The following RGS6 variants were observed in gnomAD, a reference collection of about 807,000 sequenced individuals.
RGS6 encodes regulator of G-protein signaling 6.
Under a neutral mutation model 78.5 loss-of-function variants are expected in RGS6, and 30 were observed. The observed-to-expected ratio is 0.38, with a 90% CI of 0.29 to 0.52. The LOEUF (loss-of-function observed/expected upper bound fraction) is 0.52, where lower values mean the gene tolerates loss of function less well. Among genes scored for constraint, RGS6 ranks in the 20% least tolerant of loss-of-function variants. The pLI is 0.85. For missense variants in RGS6, 495 were observed against 609.7 expected (o/e 0.81, Z 1.98); for synonymous variants, 206 against 206.0 (o/e 1.00, Z 0.00).
At chr14:71,947,239 A>C (rs1329596097) in intron 1 of RGS6, among the ~76,000 whole-genome samples, 1 of 152,178 alleles carries the variant, frequency 6.6e-6, no homozygotes, top group Non-Finnish European at 1.5e-5. Context: ...GTGGATAGAT[A>C]CATCTTGGGG....
intron 2 of RGS6, among the ~76,000 whole-genome samples, chr14:72,065,616 C>T (rs1334544105): frequency 6.6e-6 from 1 of 152,120 alleles, no homozygotes; most frequent in African/African-American, 2.4e-5. Flanking sequence ...AACAGATCCT[C>T]AAACGTCATT....
At chr14:72,317,965 T>C (rs2070783566) in intron 2 of RGS6, among the ~76,000 whole-genome samples, 1 of 152,158 alleles carries the variant, frequency 6.6e-6, no homozygotes, top group Non-Finnish European at 1.5e-5. Context: ...AAAACAGAAG[T>C]TATTTACAAT....
intron 2 of RGS6, among the ~76,000 whole-genome samples, chr14:72,281,929 C>T (rs1190239840): frequency 6.6e-6 from 1 of 152,152 alleles, no homozygotes; most frequent in African/African-American, 2.4e-5. Context: ...TTGGAAGACA[C>T]AAAGTCATCG....
intron 1 of RGS6, among the ~76,000 whole-genome samples, chr14:71,935,048 T>G (rs1207294706): frequency 6.6e-6 from 1 of 152,194 alleles, no homozygotes; most frequent in African/African-American, 2.4e-5. Context: ...GCATTTAACC[T>G]CTTCATTTTC....
chr14:72,341,692 G>A (rs2077033375), intron 2 of RGS6, among the ~76,000 whole-genome samples: 1 of 152,216 alleles, frequency 6.6e-6, no homozygotes. Context: ...GAATTCCATA[G>A]TAGGGAATTT....
chr14:72,275,874 C>T (rs2060590251), intron 2 of RGS6, among the ~76,000 whole-genome samples: 1 of 152,068 alleles, frequency 6.6e-6, no homozygotes, highest in Non-Finnish European at 1.5e-5. Context: ...TGGAGGGTAC[C>T]TCACAGGAGA....
chr14:72,404,588 C>T (rs985721377), intron 3 of RGS6, among the ~76,000 whole-genome samples: 2 of 152,194 alleles, frequency 1.3e-5, no homozygotes, highest in African/African-American at 4.8e-5. Flanking sequence ...CCCCACAGGG[C>T]AAGCACAACA....
rs570205069 is a variant in RGS6, at chr14:72,163,770, C to A, written c.85-188325C>A. 3.9e-5 allele frequency among the ~76,000 whole-genome samples: 6 copies of A among 151,900 alleles called. No individual in the cohort carries two copies. The East Asian group carries it at 1.2e-3, about 29-fold the overall frequency. ...TGGTGGCACTCACCTGTAATCGCAA[C>A]TACTCAGGAGGCTGAGGTAGGAGAA... On this transcript the variant is annotated intron_variant, in intron 2 of 17. Coordinates refer to ENST00000553525, the MANE Select transcript of RGS6 (RefSeq NM_001204424.2).
At chr14:72,335,221 T>C (rs948235378) in intron 2 of RGS6, among the ~76,000 whole-genome samples, 2 of 152,202 alleles carry the variant, frequency 1.3e-5, no homozygotes, top group Admixed American at 6.5e-5. Context: ...CAGGTAGGTC[T>C]TTCTTAGCAG....
At chr14:72,097,151 A>G (rs539777077) in intron 2 of RGS6, among the ~76,000 whole-genome samples, 82 of 152,358 alleles carry the variant, frequency 5.4e-4, no homozygotes, top group Non-Finnish European at 9.9e-4. Context: ...AGAAGTAAAC[A>G]TTAACTTAAA....
chr14:72,145,201 C>T (rs1284562575), intron 2 of RGS6, among the ~76,000 whole-genome samples: 1 of 152,092 alleles, frequency 6.6e-6, no homozygotes, highest in East Asian at 1.9e-4. Context: ...GAGGTTCAGA[C>T]TCTTGGAGCC....
chr14:72,046,533 T>A (rs2092851439), intron 2 of RGS6, among the ~76,000 whole-genome samples: 1 of 152,060 alleles, frequency 6.6e-6, no homozygotes, highest in African/African-American at 2.4e-5. Context: ...GGTACCAGTG[T>A]GTGTGAAAGT....
intron 2 of RGS6, among the ~76,000 whole-genome samples, chr14:72,124,210 GTT>G (rs1330330875): frequency 6.6e-6 from 1 of 152,130 alleles, no homozygotes; most frequent in Non-Finnish European, 1.5e-5. Flanking sequence ...TTATTATGTT[GTT>G]TATTTTGTGT....
intron 2 of RGS6, among the ~76,000 whole-genome samples, chr14:72,125,132 G>T (rs918876698): frequency 6.6e-6 from 1 of 152,160 alleles, no homozygotes; most frequent in Admixed American, 6.5e-5. Context: ...TCCTGAGGGG[G>T]ACGTCTTTGT....
intron 7 of RGS6, among the ~76,000 whole-genome samples, chr14:72,467,217 T>C (rs1319335987): frequency 6.6e-6 from 1 of 152,108 alleles, no homozygotes; most frequent in Non-Finnish European, 1.5e-5. Context: ...GGCTAAACTT[T>C]CTTATACCTT....
chr14:72,055,135 A>C (rs942853007), intron 2 of RGS6, among the ~76,000 whole-genome samples: 3 of 152,172 alleles, frequency 2.0e-5, no homozygotes, highest in Non-Finnish European at 4.4e-5. Flanking sequence ...CCTTGTGTCT[A>C]TGCTTAGAGG....
chr14:72,236,034 G>A (rs1314121247), intron 2 of RGS6, among the ~76,000 whole-genome samples: 1 of 152,162 alleles, frequency 6.6e-6, no homozygotes, highest in Non-Finnish European at 1.5e-5. Flanking sequence ...TTTTCATGAT[G>A]CATTGAAAAA....
intron 13 of RGS6, among the ~76,000 whole-genome samples, chr14:72,497,305 G>T (rs1218674889): frequency 6.6e-6 from 1 of 152,020 alleles, no homozygotes. Context: ...TCATTTTACT[G>T]TTTTGTTTCC....
At chr14:71,903,270 T>TC in the RGS6 span, among the ~76,000 whole-genome samples, 1 of 152,224 alleles carries the variant, frequency 6.6e-6, no homozygotes, top group Non-Finnish European at 1.5e-5. Context: ...TCCTAACCGG[T>TC]TGAGGTCCTT....
Sources: allele counts gnomAD v4.1 joint callset (sites outside exome capture counted in the v4.1 genomes callset), GRCh38; gene constraint gnomAD v4.1.1; transcripts MANE v1.5; gene names NCBI Gene and HGNC (gene_info 2026-07-23, HGNC 2026-07-21).